The following CCDC171 variants were observed in gnomAD, a reference collection of about 807,000 sequenced individuals.
CCDC171 encodes coiled-coil domain-containing protein 171.
In CCDC171, 177 loss-of-function variants were observed where a neutral mutation model predicts 168.2. The ratio of observed to expected loss-of-function variants is 1.05; its 90% CI spans 0.93 to 1.19. The LOEUF is 1.19. CCDC171 is among the 50% of genes most tolerant of loss of function. The pLI, the probability that CCDC171 is intolerant of heterozygous loss-of-function variation, is 0.00. For synonymous variants in CCDC171, 687 were observed against 540.8 expected (o/e 1.27, Z -3.75); for missense variants, 1,991 against 1,539.0 (o/e 1.29, Z -4.91).
intron 6 of CCDC171, among the ~76,000 whole-genome samples, chr9:15,607,921 G>A (rs1460479082): frequency 6.6e-6 from 1 of 152,130 alleles, no homozygotes; most frequent in Non-Finnish European, 1.5e-5. Context: ...TATGAAGCTG[G>A]TTAATTTATA....
At chr9:15,637,037 C>G (rs947765986) in intron 7 of CCDC171, among the ~76,000 whole-genome samples, 2 of 152,060 alleles carry the variant, frequency 1.3e-5, no homozygotes, top group Non-Finnish European at 2.9e-5. Flanking sequence ...GGGCCTATCA[C>G]TTGAGGTCAG....
chr9:15,615,463 C>A (rs760831608), intron 6 of CCDC171, among the ~76,000 whole-genome samples: 4 of 152,092 alleles, frequency 2.6e-5, no homozygotes, highest in African/African-American at 4.8e-5. Flanking sequence ...GACTACCAGA[C>A]CTCTGCATTG....
At chr9:15,786,387 T>A in intron 21 of CCDC171, among the ~76,000 whole-genome samples, 1 of 152,236 alleles carries the variant, frequency 6.6e-6, no homozygotes, top group Non-Finnish European at 1.5e-5. Context: ...AAAATTAAAA[T>A]AATCTCAAAT....
At chr9:16,009,622 A>G (rs1009298378) in intron 3 of CCDC171, among the ~76,000 whole-genome samples, 2 of 152,188 alleles carry the variant, frequency 1.3e-5, no homozygotes, top group Non-Finnish European at 2.9e-5. Flanking sequence ...ATGTCCTACC[A>G]AAGCAGAAAG....
chr9:16,004,358 G>T (rs567927639), intron 3 of CCDC171, among the ~76,000 whole-genome samples: 9 of 152,058 alleles, frequency 5.9e-5, no homozygotes, highest in Admixed American at 1.3e-4. Context: ...TGATTTTTTT[G>T]ACTTACATGC....
intron 5 of CCDC171, among the ~76,000 whole-genome samples, chr9:15,593,140 A>G (rs906586536): frequency 1.4e-4 from 22 of 152,054 alleles, no homozygotes; most frequent in Non-Finnish European, 2.2e-4. Context: ...GGGGGAAAAA[A>G]AAGCCTCAAG....
At chr9:15,631,250 A>G (rs1039609705) in intron 7 of CCDC171, among the ~76,000 whole-genome samples, 3 of 151,890 alleles carry the variant, frequency 2.0e-5, no homozygotes, top group African/African-American at 7.3e-5. Flanking sequence ...TTTTGAAAAG[A>G]TCAACAAAAT....
chr9:15,651,511 C>T (rs1277016723), intron 7 of CCDC171, among the ~76,000 whole-genome samples: 1 of 152,104 alleles, frequency 6.6e-6, no homozygotes, highest in Non-Finnish European at 1.5e-5. Flanking sequence ...CTCACCTCAG[C>T]CTTCCAAAGT....
chr9:16,105,578 C>T, the CCDC171 span, among the ~76,000 whole-genome samples: 66 of 152,304 alleles, frequency 4.3e-4, no homozygotes, highest in Non-Finnish European at 8.2e-4. Context: ...ATGAACTCAT[C>T]TAACAGCAAA....
intron 24 of CCDC171, chr9:15,886,733 GAA>G (rs1819450074): frequency 6.9e-6 from 1 of 144,008 alleles, no homozygotes; most frequent in Non-Finnish European, 1.5e-5. Context: ...TCTGATGAAT[GAA>G]TGGACAGAGG....
intron 18 of CCDC171, among the ~76,000 whole-genome samples, chr9:15,758,844 T>C (rs567277782): frequency 2.3e-4 from 35 of 152,296 alleles, no homozygotes; most frequent in Admixed American, 7.2e-4. Flanking sequence ...GCCACTGCCA[T>C]GTGAGATACG....
intron 21 of CCDC171, among the ~76,000 whole-genome samples, chr9:15,788,214 C>A (rs1287587621): frequency 6.6e-6 from 1 of 152,114 alleles, no homozygotes; most frequent in African/African-American, 2.4e-5. Context: ...AATTCAAATC[C>A]CAGCTCTGTT....
At chr9:15,653,028 A>G (rs1438914490) in intron 7 of CCDC171, among the ~76,000 whole-genome samples, 2 of 152,182 alleles carry the variant, frequency 1.3e-5, no homozygotes, top group South Asian at 2.1e-4. Context: ...CACGTCAGCA[A>G]TATATGTAGG....
In CCDC171 at chr9:16,020,159, A is replaced by G. The variant is rs1564122834; in HGVS notation, n.369-430A>G. On this transcript the variant is annotated intron_variant and non_coding_transcript_variant, in intron 3 of 9. Transcript: ENST00000486641. Reference sequence around the variant, plus strand: ...CATGATGCCATAAATGGAAAATTCCATACATAACACCGAACACAAATTTTG... The same window carrying G: ...CATGATGCCATAAATGGAAAATTCCGTACATAACACCGAACACAAATTTTG... 3.3e-5 allele frequency among the ~76,000 whole-genome samples: 5 copies of G among 152,230 alleles called. No homozygotes were observed. The South Asian group carries it at 1.0e-3, about 32-fold the overall frequency.
intron 24 of CCDC171, among the ~76,000 whole-genome samples, chr9:15,882,619 A>G (rs886319873): frequency 6.6e-6 from 1 of 152,170 alleles, no homozygotes; most frequent in Non-Finnish European, 1.5e-5. Context: ...ATTCAATATC[A>G]GTATAAATAG....
intron 24 of CCDC171, among the ~76,000 whole-genome samples, chr9:15,915,001 T>G (rs948001094): frequency 1.3e-5 from 2 of 152,048 alleles, no homozygotes; most frequent in Non-Finnish European, 2.9e-5. Flanking sequence ...CCCCAGTGAG[T>G]TGAACCGGGT....
intron 24 of CCDC171, among the ~76,000 whole-genome samples, chr9:15,909,324 A>T (rs942851364): frequency 9.9e-5 from 15 of 152,048 alleles, no homozygotes; most frequent in African/African-American, 3.1e-4. Context: ...TCTACTTTCT[A>T]TTCCTTATTG....
At chr9:15,866,281 A>G (rs186955553) in intron 23 of CCDC171, among the ~76,000 whole-genome samples, 33 of 152,046 alleles carry the variant, frequency 2.2e-4, no homozygotes, top group African/African-American at 7.2e-4. Context: ...CAAACTGGAT[A>G]TAGTGAGTAA....
At position 15,594,116 on chromosome 9, in the gene CCDC171, A is replaced by C; in HGVS notation, c.619A>C (p.Arg207=). 1 of 1,524,170 alleles carries C rather than the reference A, an allele frequency of 6.6e-7. No individual in the cohort carries two copies. Among genetic ancestry groups the C allele is most frequent in the Non-Finnish European group, 9.1e-7 (1 of 1,102,018 alleles). 94.4% of individuals were successfully genotyped at this position (1,524,170 alleles called of 1,614,324 possible). Residue 207 remains arginine, a synonymous_variant, in exon 6 of 26, where the codon AGA becomes CGA. Coordinates refer to ENST00000380701, the MANE Select transcript of CCDC171 (RefSeq NM_173550.4). ...HIRETALEEF[R]LQEEQWEAER... Reference sequence around the variant, plus strand: ...CAGGGAGACAGCATTGGAGGAGTTTAGATTACAAGAAGAACAATGGGAAGC... The same window carrying C: ...CAGGGAGACAGCATTGGAGGAGTTTCGATTACAAGAAGAACAATGGGAAGC...
Sources: allele counts gnomAD v4.1 joint callset (sites outside exome capture counted in the v4.1 genomes callset), GRCh38; gene constraint gnomAD v4.1.1; transcripts MANE v1.5; gene names NCBI Gene and HGNC (gene_info 2026-07-23, HGNC 2026-07-21).